SLC17A1: variants seen among roughly 807,000 people sequenced by gnomAD.
The protein encoded by SLC17A1 is solute carrier family 17 member 1, also known as sodium-dependent phosphate transport protein 1.
Under a neutral mutation model 53.5 loss-of-function variants are expected in SLC17A1, and 51 were observed. That is an observed-to-expected ratio of 0.95 (90% CI 0.76 to 1.20). SLC17A1 has a LOEUF of 1.20. SLC17A1 is among the 50% of genes most tolerant of loss of function. SLC17A1 has a pLI of 0.00. For synonymous variants in SLC17A1, 179 were observed against 198.8 expected, an observed-to-expected ratio of 0.90 and a Z score of 0.84; for missense variants, 538 against 568.2, an observed-to-expected ratio of 0.95 and a Z score of 0.54.
chr6:25,825,344 G>C (rs970757578), intron 3 of SLC17A1, among the ~76,000 whole-genome samples: 1 of 151,916 alleles, frequency 6.6e-6, no homozygotes, highest in African/African-American at 2.4e-5. Flanking sequence ...GACAATAAAG[G>C]CTTTCTCAAG....
At chr6:25,730,527 G>A in the SLC17A1 span, among the ~76,000 whole-genome samples, 1 of 152,086 alleles carries the variant, frequency 6.6e-6, no homozygotes, top group Non-Finnish European at 1.5e-5. Flanking sequence ...ATTGGTTAAA[G>A]GATATGAAAT....
At chr6:25,826,371 G>T (rs1280709359) in intron 3 of SLC17A1, 90 bp downstream of exon 3, 3 of 1,025,072 alleles carry the variant, frequency 2.9e-6, no homozygotes, top group Non-Finnish European at 2.7e-6. Flanking sequence ...TTCAAATATA[G>T]TATCATATCA....
the SLC17A1 span, among the ~76,000 whole-genome samples, chr6:25,762,923 C>T: frequency 2.0e-5 from 3 of 152,104 alleles, no homozygotes; most frequent in Non-Finnish European, 4.4e-5. Context: ...TCTGTCTCTC[C>T]CTTAAAATTA....
chr6:25,800,637 A>T (rs1450236882), intron 11 of SLC17A1, among the ~76,000 whole-genome samples: 1 of 152,178 alleles, frequency 6.6e-6, no homozygotes, highest in Non-Finnish European at 1.5e-5. Context: ...ATCAAAAATA[A>T]CAGAAGTCCA....
At chr6:25,756,700 A>C in the SLC17A1 span, among the ~76,000 whole-genome samples, 1 of 152,194 alleles carries the variant, frequency 6.6e-6, no homozygotes, top group Non-Finnish European at 1.5e-5. Context: ...AAGTAAAAGG[A>C]GAGGGCAATT....
chr6:25,811,269 A>G, intron 10 of SLC17A1, 129 bp downstream of exon 10: 1 of 964,946 alleles, frequency 1.0e-6, no homozygotes, highest in Non-Finnish European at 1.6e-6. Context: ...GAGGTAATGC[A>G]TATGTTACTT....
At chr6:25,769,039 C>A in the SLC17A1 span, 1 of 1,614,024 alleles carries the variant, frequency 6.2e-7, no homozygotes, top group Non-Finnish European at 8.5e-7. Flanking sequence ...TGTAATTTTT[C>A]AATTTACACC....
intron 12 of SLC17A1, among the ~76,000 whole-genome samples, chr6:25,790,058 C>T (rs986417943): frequency 2.0e-5 from 3 of 152,042 alleles, no homozygotes; most frequent in Non-Finnish European, 4.4e-5. Flanking sequence ...CTTTGTACTA[C>T]TCTTAAAAAC....
the SLC17A1 span, among the ~76,000 whole-genome samples, chr6:25,736,321 GAC>G: frequency 2.0e-5 from 3 of 152,012 alleles, no homozygotes; most frequent in Non-Finnish European, 4.4e-5. Context: ...TTTTCGGCTT[GAC>G]ACAATAAAAA....
At chr6:25,812,380 G>T (rs1215502352) in intron 8 of SLC17A1, among the ~76,000 whole-genome samples, 2 of 152,172 alleles carry the variant, frequency 1.3e-5, no homozygotes, top group Non-Finnish European at 2.9e-5. Context: ...TGAGCAATGG[G>T]TATGCCAGTC....
chr6:25,776,292 T>C, the SLC17A1 span, among the ~76,000 whole-genome samples: 7 of 152,192 alleles, frequency 4.6e-5, no homozygotes, highest in Non-Finnish European at 8.8e-5. Context: ...TTTTCTTCTT[T>C]TCTTTTTTAA....
intron 12 of SLC17A1, among the ~76,000 whole-genome samples, chr6:25,788,500 C>T (rs1028839843): frequency 1.3e-5 from 2 of 152,042 alleles, no homozygotes; most frequent in African/African-American, 2.4e-5. Flanking sequence ...CTGTGCAGGG[C>T]GAGGATTGTG....
chr6:25,787,673 C>T (rs768784643), intron 12 of SLC17A1, among the ~76,000 whole-genome samples: 2 of 152,160 alleles, frequency 1.3e-5, no homozygotes, highest in East Asian at 1.9e-4. Flanking sequence ...CATTGTGAAA[C>T]GTTAAGTTTT....
chr6:25,822,231 T>G (rs1764588198), intron 3 of SLC17A1, among the ~76,000 whole-genome samples: 1 of 152,188 alleles, frequency 6.6e-6, no homozygotes, highest in Non-Finnish European at 1.5e-5. Context: ...TCTTATTTCG[T>G]CTTTTTTTCT....
the SLC17A1 span, chr6:25,732,723 T>G: frequency 3.9e-6 from 5 of 1,276,798 alleles, no homozygotes; most frequent in Non-Finnish European, 5.5e-6. Flanking sequence ...GACAAGCTGC[T>G]GGCCCGAGTG....
chr6:25,787,704 G>T (rs1248197472), intron 12 of SLC17A1, among the ~76,000 whole-genome samples: 1 of 152,172 alleles, frequency 6.6e-6, no homozygotes, highest in East Asian at 1.9e-4. Context: ...TATTCTTTCA[G>T]GTCCTGCCTA....
At chr6:25,763,981 G>A in the SLC17A1 span, among the ~76,000 whole-genome samples, 1 of 152,290 alleles carries the variant, frequency 6.6e-6, no homozygotes, top group East Asian at 1.9e-4. Flanking sequence ...GAAGGCTAGG[G>A]AAGCAAAAGT....
chr6:25,762,035 G>T, the SLC17A1 span: 10 of 1,613,648 alleles, frequency 6.2e-6, no homozygotes, highest in South Asian at 7.7e-5. Flanking sequence ...CGTGGCTCAA[G>T]AGGAATGCTC....
In SLC17A1 at chr6:25,830,380, A is replaced by AG. The variant is rs1764903156; in HGVS notation, c.34+143dup. On this transcript the variant is annotated intron_variant, in intron 2 of 12. Coordinates refer to ENST00000244527, the MANE Select transcript of SLC17A1 (RefSeq NM_005074.5). Reference sequence around the variant, plus strand: ...TAGGGCTTTTCTGGTGGAAAACCATAGTAGGACTGGTTTCTTCTACCTTCT... The same window carrying AG: ...TAGGGCTTTTCTGGTGGAAAACCATAGGTAGGACTGGTTTCTTCTACCTTCT... The AG allele has an allele frequency of 9.8e-6, 6 of 614,494 alleles. No individual in the cohort carries two copies. The East Asian group carries it at 1.6e-4, about 16-fold the overall frequency. 38.1% of individuals were successfully genotyped at this position (614,494 alleles called of 1,614,324 possible). A position where few individuals can be genotyped will look rare whatever the true frequency, so the allele number is the denominator to read the frequency against.
Sources: allele counts gnomAD v4.1 joint callset (sites outside exome capture counted in the v4.1 genomes callset), GRCh38; gene constraint gnomAD v4.1.1; transcripts MANE v1.5; gene names NCBI Gene and HGNC (gene_info 2026-07-23, HGNC 2026-07-21).